RBM28: variants seen among roughly 807,000 people sequenced by gnomAD.
The protein encoded by RBM28 is RNA binding motif protein 28.
In RBM28, 78 loss-of-function variants were observed where a neutral mutation model predicts 98.3. The ratio of observed to expected loss-of-function variants is 0.79; its 90% CI spans 0.66 to 0.96. RBM28 has a LOEUF of 0.96. Among genes scored for constraint, RBM28 ranks in the 40% least tolerant of loss-of-function variants. The pLI is 0.00. For missense variants in RBM28, 838 were observed against 913.0 expected (o/e 0.92, Z 1.06); for synonymous variants, 306 against 330.9 (o/e 0.92, Z 0.82).
At position 128,318,132 on chromosome 7, in the gene RBM28, A is replaced by C. The variant is rs1172452591; in HGVS notation, c.1564-26T>G. On this transcript the variant is annotated intron_variant, in intron 14 of 18. Coordinates refer to ENST00000223073, the MANE Select transcript of RBM28 (RefSeq NM_018077.3). Reference sequence around the variant, plus strand: ...CTATGAGTAGAGCAAGAAAAAAATCAGTAATTACAGAATGAGAAGACTTGC... The same window carrying C: ...CTATGAGTAGAGCAAGAAAAAAATCCGTAATTACAGAATGAGAAGACTTGC... 23 of 1,591,588 alleles carry C rather than the reference A, an allele frequency of 1.4e-5. No individual in the cohort carries two copies. The East Asian group carries it at 5.1e-4, about 36-fold the overall frequency.
chr7:128,320,437 AAAAAG>A (rs1186245983), intron 14 of RBM28, among the ~76,000 whole-genome samples: 1 of 151,530 alleles, frequency 6.6e-6, no homozygotes, highest in Non-Finnish European at 1.5e-5. Context: ...AGAAAAGAAA[AAAAAG>A]AAAAGAGAAA....
Position 128,300,952 on chromosome 7 carries a change from A to G in RBM28, c.*9845T>C, listed in dbSNP as rs1037533239. The G allele has an allele frequency of 2.6e-5, 4 of 152,510 alleles. No individual in the cohort carries two copies. The highest frequency in any genetic ancestry group is 9.6e-5 in the African/African-American group (4 of 41,454). 9.4% of individuals were successfully genotyped at this position (152,510 alleles called of 1,614,324 possible). On this transcript the variant is annotated 3_prime_UTR_variant, in exon 19 of 19. Transcript: ENST00000223073. ...TCTCCTTCTGCCTGCAGTTGTGAGG[A>G]AAGAAGGGGCACTGAGGAGGATGGG...
chr7:128,337,105 A>G, intron 6 of RBM28, 26 bp downstream of exon 6: 1 of 1,609,662 alleles, frequency 6.2e-7, no homozygotes, highest in Non-Finnish European at 8.5e-7. Context: ...CAACGCCCCT[A>G]CTCACCCAAC....
chr7:128,321,150 A>T, intron 14 of RBM28, 116 bp downstream of exon 14: 1 of 1,375,414 alleles, frequency 7.3e-7, no homozygotes, highest in Non-Finnish European at 1.0e-6. Flanking sequence ...TGGGCAACAG[A>T]GTGAGACTTC....
chr7:128,318,879 G>A (rs982959055), intron 14 of RBM28, among the ~76,000 whole-genome samples: 1 of 152,194 alleles, frequency 6.6e-6, no homozygotes, highest in African/African-American at 2.4e-5. Context: ...AGAAGGAAAG[G>A]AGGAAGGCCT....
chr7:128,333,389 T>C (rs1381676162), intron 8 of RBM28, 27 bp from the exon 9 acceptor site: 1 of 1,521,350 alleles, frequency 6.6e-7, no homozygotes. Context: ...AACAACAAAC[T>C]GAAAGAGATT....
intron 16 of RBM28, 23 bp downstream of exon 16, chr7:128,317,636 T>A: frequency 1.3e-6 from 2 of 1,530,604 alleles, no homozygotes; most frequent in African/African-American, 2.7e-5. Context: ...TCCTTAAAAA[T>A]ATGGACCATT....
chr7:128,337,226 A>G lies in RBM28; in HGVS notation c.542-24T>C, dbSNP rs188623305. The G allele has an allele frequency of 5.9e-5, 95 of 1,613,584 alleles. No homozygotes were observed. In the East Asian group the frequency reaches 1.2e-3, roughly 21 times the overall value. On this transcript the variant is annotated intron_variant, in intron 5 of 18. Coordinates refer to ENST00000223073, the MANE Select transcript of RBM28 (RefSeq NM_018077.3). ...GCCTGTCAAGCAGAAAAGTGGCATC[A>G]GAAAGGCTCTCCTTTTAAAAACCCT... is the stretch of plus-strand genomic sequence containing the variant.
At chr7:128,333,917 CTAT>C (rs1230236820) in intron 8 of RBM28, among the ~76,000 whole-genome samples, 1 of 152,144 alleles carries the variant, frequency 6.6e-6, no homozygotes, top group Non-Finnish European at 1.5e-5. Context: ...CCATATACTA[CTAT>C]GACAGTGTAA....
rs1210255431 is a variant in RBM28 at position 128,335,936 on chromosome 7, A to G, written c.720T>C (p.Asp240=). The change falls in exon 7 of 19, where the codon GAT becomes GAC. Residue 240 remains aspartate, a synonymous_variant. Transcript: ENST00000223073. ...EEENDDDDDD[D]DEEDGVFDDE... ...CATCAAAAACCCCATCTTCTTCATCATCATCATCGTCATCATCATCGTTTT... is the reference window on the plus strand; with the variant it reads ...CATCAAAAACCCCATCTTCTTCATCGTCATCATCGTCATCATCATCGTTTT... The G allele has an allele frequency of 5.0e-6, 8 of 1,606,906 alleles. No homozygotes were observed. The Admixed American group carries it at 1.3e-4, about 27-fold the overall frequency.
intron 10 of RBM28, among the ~76,000 whole-genome samples, chr7:128,329,159 G>A (rs1385120732): frequency 6.6e-6 from 1 of 152,072 alleles, no homozygotes; most frequent in African/African-American, 2.4e-5. Context: ...GAGTGCAGTG[G>A]CACGATCTCG....
intron 4 of RBM28, 50 bp from the exon 5 acceptor site, chr7:128,338,392 A>G: frequency 6.9e-7 from 1 of 1,443,544 alleles, no homozygotes. Flanking sequence ...GGAGGTAGCC[A>G]GAATACTAAG....
At chr7:128,341,096 A>G (rs1353228436) in intron 1 of RBM28, 1 of 1,205,866 alleles carries the variant, frequency 8.3e-7, no homozygotes, top group East Asian at 5.7e-5. Context: ...GGAAAAGGAC[A>G]GATCAAGAAG....
intron 18 of RBM28, among the ~76,000 whole-genome samples, chr7:128,311,206 G>A (rs1795977003): frequency 6.6e-6 from 1 of 152,160 alleles, no homozygotes. Context: ...AGCTCCCAAA[G>A]GCTCACTTTA....
chr7:128,312,619 A>C (rs143892782), intron 18 of RBM28, among the ~76,000 whole-genome samples: 5 of 147,826 alleles, frequency 3.4e-5, no homozygotes, highest in Admixed American at 6.8e-5. Flanking sequence ...TAGAGAAGAA[A>C]AAAATGATTT....
intron 8 of RBM28, among the ~76,000 whole-genome samples, chr7:128,334,332 A>G (rs368633171): frequency 2.0e-5 from 3 of 152,350 alleles, no homozygotes; most frequent in African/African-American, 7.2e-5. Flanking sequence ...TTTTATCATT[A>G]TCATTTATCT....
chr7:128,297,950 A>G lies in RBM28; in HGVS notation c.*12847T>C, dbSNP rs1236330727. 2 of 137,196 alleles carry G rather than the reference A, an allele frequency of 1.5e-5. No homozygotes were observed. Among genetic ancestry groups the G allele is most frequent in the East Asian group, 4.4e-4 (2 of 4,514 alleles). The allele number at this position is 137,196 out of a possible 1,614,324, so 8.5% of individuals were successfully genotyped here. On this transcript the variant is annotated 3_prime_UTR_variant, in exon 19 of 19. Coordinates refer to ENST00000223073, the MANE Select transcript of RBM28 (RefSeq NM_018077.3). ...GGAATTGAACAATGAGAACACATGG[A>G]CACAGGAAGGGGAACATCACACTCT...
intron 17 of RBM28, among the ~76,000 whole-genome samples, chr7:128,313,817 C>T (rs558019085): frequency 4.6e-5 from 7 of 152,232 alleles, no homozygotes; most frequent in East Asian, 1.9e-4. Context: ...TTAAAACACT[C>T]CCCCCTGCTC....
rs1270495883 is a variant in RBM28, at chr7:128,338,905, C to CT, written c.373-105dup. On this transcript the variant is annotated intron_variant, in intron 3 of 18. Coordinates refer to ENST00000223073, the MANE Select transcript of RBM28 (RefSeq NM_018077.3). ...TAATTATGAAAAACATGAATGTTTA[C>CT]TTTTTTTTATTTTTGATACTAGGAC... The CT allele has an allele frequency of 3.0e-5, 27 of 906,558 alleles. 1 individual carries two copies. The highest frequency in any genetic ancestry group is 5.8e-5 in the Admixed American group (3 of 51,492). 56.2% of individuals were successfully genotyped at this position (906,558 alleles called of 1,614,324 possible).
Sources: gnomAD v4.1 joint callset for allele counts (sites outside exome capture counted in the v4.1 genomes callset) on GRCh38, gnomAD v4.1.1 for gene constraint, MANE v1.5 for transcripts, NCBI Gene and HGNC (gene_info 2026-07-23, HGNC 2026-07-21) for gene names.